The following CAST variants were observed in gnomAD, a reference collection of about 807,000 sequenced individuals.
CAST encodes MIR583 host.
In CAST, 76 loss-of-function variants were observed where a neutral mutation model predicts 119.6. The observed-to-expected ratio is 0.64, with a 90% CI of 0.53 to 0.77. CAST has a LOEUF of 0.77. Among genes scored for constraint, CAST ranks in the 30% least tolerant of loss-of-function variants. The pLI is 0.00. For synonymous variants in CAST, 319 were observed against 331.6 expected (o/e 0.96, Z 0.41); for missense variants, 953 against 946.5 (o/e 1.01, Z -0.09).
chr5:96,153,144 A>AT, the CAST span, among the ~76,000 whole-genome samples: 4 of 151,952 alleles, frequency 2.6e-5, no homozygotes, highest in South Asian at 4.2e-4. Flanking sequence ...CCTTGGGTGT[A>AT]TTTTTTTTCC....
At chr5:96,106,340 G>C in the CAST span, among the ~76,000 whole-genome samples, 4 of 152,072 alleles carry the variant, frequency 2.6e-5, no homozygotes, top group Admixed American at 2.6e-4. Flanking sequence ...GATCTTTCCT[G>C]CTTTCTCTTG....
At chr5:96,713,654 A>G (rs926138321) in intron 3 of CAST, among the ~76,000 whole-genome samples, 10 of 152,142 alleles carry the variant, frequency 6.6e-5, no homozygotes, top group African/African-American at 2.4e-4. Flanking sequence ...GATAAGCAAG[A>G]TTAATGTGAA....
chr5:96,429,412 T>C, the CAST span: 1 of 705,076 alleles, frequency 1.4e-6, no homozygotes, highest in South Asian at 1.6e-5. Flanking sequence ...TAGGCAACTT[T>C]TATTAAGCCC....
At chr5:96,263,792 T>C in the CAST span, among the ~76,000 whole-genome samples, 1 of 152,122 alleles carries the variant, frequency 6.6e-6, no homozygotes, top group Non-Finnish European at 1.5e-5. Context: ...TCAGGAAACT[T>C]ACAATCATGG....
At chr5:96,721,453 T>C (rs1436120338) in intron 3 of CAST, among the ~76,000 whole-genome samples, 2 of 150,894 alleles carry the variant, frequency 1.3e-5, no homozygotes, top group Non-Finnish European at 2.9e-5. Context: ...GTATTGGGGG[T>C]GGGGGAAGGT....
the CAST span, among the ~76,000 whole-genome samples, chr5:96,138,582 A>C: frequency 6.6e-6 from 1 of 152,052 alleles, no homozygotes; most frequent in African/African-American, 2.4e-5. Context: ...ATACCTTAAC[A>C]ATGTGTGTTT....
intron 1 of CAST, among the ~76,000 whole-genome samples, chr5:96,537,362 T>C (rs1471288791): frequency 6.6e-6 from 1 of 152,230 alleles, no homozygotes; most frequent in Non-Finnish European, 1.5e-5. Flanking sequence ...GTTGAAGCAA[T>C]AGACTACCCC....
At chr5:96,522,590 A>C (rs1745536076), upstream of CAST, among the ~76,000 whole-genome samples, 1 of 152,266 alleles carries the variant, frequency 6.6e-6, no homozygotes, top group African/African-American at 2.4e-5. Context: ...GGCCTCCTGA[A>C]CCTCAGGGTG....
chr5:96,313,492 T>C, the CAST span, among the ~76,000 whole-genome samples: 1 of 152,200 alleles, frequency 6.6e-6, no homozygotes, highest in Non-Finnish European at 1.5e-5. Context: ...GATTCATCCA[T>C]GCTGTTGTGT....
the CAST span, among the ~76,000 whole-genome samples, chr5:96,299,827 GTGA>G: frequency 6.6e-6 from 1 of 152,046 alleles, no homozygotes; most frequent in African/African-American, 2.4e-5. Context: ...GAGGTACAAA[GTGA>G]TGATGTGATT....
At chr5:96,120,178 C>T in the CAST span, among the ~76,000 whole-genome samples, 1 of 152,144 alleles carries the variant, frequency 6.6e-6, no homozygotes, top group Admixed American at 6.6e-5. Flanking sequence ...CCACTGAGGG[C>T]AGTCCTGAGG....
the CAST span, among the ~76,000 whole-genome samples, chr5:96,516,340 C>T: frequency 2.6e-5 from 4 of 151,390 alleles, no homozygotes; most frequent in African/African-American, 7.3e-5. Context: ...TCCTGAATAA[C>T]GTGGTAAACT....
the CAST span, among the ~76,000 whole-genome samples, chr5:96,103,441 T>C: frequency 1.3e-5 from 2 of 149,062 alleles, no homozygotes; most frequent in African/African-American, 2.5e-5. Flanking sequence ...TGAGTGAGAA[T>C]ATGTGGTGTT....
chr5:96,505,516 G>A, the CAST span, among the ~76,000 whole-genome samples: 1 of 152,074 alleles, frequency 6.6e-6, no homozygotes, highest in Admixed American at 6.6e-5. Flanking sequence ...CTAAGGAAAA[G>A]GAATATTATT....
At chr5:96,190,437 C>A in the CAST span, among the ~76,000 whole-genome samples, 1 of 152,150 alleles carries the variant, frequency 6.6e-6, no homozygotes, top group Non-Finnish European at 1.5e-5. Context: ...GTGCCAAGAA[C>A]CTTCCACAGA....
chr5:96,479,468 T>TTTTG, the CAST span, among the ~76,000 whole-genome samples: 2 of 144,536 alleles, frequency 1.4e-5, no homozygotes, highest in Non-Finnish European at 3.0e-5. Context: ...TTTTTTTTTT[T>TTTTG]GAGATGGAGT....
the CAST span, among the ~76,000 whole-genome samples, chr5:96,414,692 T>C: frequency 0.57 from 87,230 of 152,084 alleles, 26,008 homozygotes; most frequent in Non-Finnish European, 0.66. Context: ...CTTCTGATTC[T>C]TTCTCTACAA....
intron 1 of CAST, among the ~76,000 whole-genome samples, chr5:96,622,857 C>CTTTTTTTTTTTTTT (rs5869727): frequency 1.7e-4 from 11 of 64,474 alleles, no homozygotes; most frequent in African/African-American, 6.5e-4. Flanking sequence ...TTATGGGACT[C>CTTTTTTTTTTTTTT]TTTTTTTTTT....
the CAST span, among the ~76,000 whole-genome samples, chr5:96,354,581 A>G: frequency 6.6e-6 from 1 of 151,766 alleles, no homozygotes; most frequent in Admixed American, 6.6e-5. Context: ...CTCAGGATTG[A>G]TGAAATATGG....
Sources: gnomAD v4.1 joint callset for allele counts (sites outside exome capture counted in the v4.1 genomes callset) on GRCh38, gnomAD v4.1.1 for gene constraint, MANE v1.5 for transcripts, NCBI Gene and HGNC (gene_info 2026-07-23, HGNC 2026-07-21) for gene names.